FER1L5: variants seen among roughly 807,000 people sequenced by gnomAD.
FER1L5 encodes fer-1 like family member 5.
In FER1L5, 187 loss-of-function variants were observed where a neutral mutation model predicts 279.9. That is an observed-to-expected ratio of 0.67 (90% confidence interval 0.59 to 0.75). FER1L5 has a LOEUF of 0.75. Among genes scored for constraint, FER1L5 ranks in the 30% least tolerant of loss-of-function variants. The pLI is 0.00. For synonymous variants in FER1L5, 921 were observed against 989.7 expected, an observed-to-expected ratio of 0.93 and a Z score of 1.30; for missense variants, 2,091 against 2,594.4, an observed-to-expected ratio of 0.81 and a Z score of 4.21.
chr2:96,646,448 A>G lies in FER1L5; in HGVS notation c.133A>G (p.Asn45Asp). ...GGTGGAAGGGAATGATCCCGTGTGG[A>G]ATGAGGTAGACAACAGGGCAAGCCC... ...RVVEGNDPVW[N>D]ETLIWHLWNR... Residue 45 changes from asparagine (N) to aspartate (D), a missense_variant, in exon 2 of 53, where the codon AAT becomes GAT. Coordinates refer to ENST00000624922, the MANE Select transcript of FER1L5 (RefSeq NM_001293083.2). 1 of 1,551,784 alleles carries G rather than the reference A, an allele frequency of 6.4e-7. No individual in the cohort carries two copies. Among genetic ancestry groups the G allele is most frequent in the Non-Finnish European group, 8.7e-7 (1 of 1,146,950 alleles).
chr2:96,704,282 C>T lies in FER1L5; in HGVS notation c.5869C>T (p.Arg1957Cys), dbSNP rs758672058. The T allele has an allele frequency of 5.7e-5, 92 of 1,613,892 alleles. No homozygotes were observed. The highest frequency in any genetic ancestry group is 1.6e-4 in the Middle Eastern group (1 of 6,084). The part of the protein sequence containing the change: ...VQNFCYIFWK[R>C]YRFKLIAFMV... ...AAACTTCTGCTATATTTTCTGGAAA[C>T]GCTATCGCTTCAAACTCATAGCCTT... The change falls in exon 52 of 53, where the codon CGC (arginine) becomes TGC (cysteine). Residue 1957 changes from arginine to cysteine, a missense_variant. Coordinates refer to ENST00000624922, the MANE Select transcript of FER1L5 (RefSeq NM_001293083.2).
In FER1L5 at chr2:96,689,771, G is replaced by A. The variant is rs761378827; in HGVS notation, c.2640+13G>A. The A allele has an allele frequency of 1.1e-4, 171 of 1,537,862 alleles. 1 individual carries two copies. Among genetic ancestry groups the A allele is most frequent in the Middle Eastern group, 9.1e-4 (5 of 5,514 alleles). Reference sequence around the variant, plus strand: ...AAACACAGACGTGGTGAGCAGGGCCGAAGCTGCCTCGGGTTAGGGGGCAAG... The same window carrying A: ...AAACACAGACGTGGTGAGCAGGGCCAAAGCTGCCTCGGGTTAGGGGGCAAG... On this transcript the variant is annotated intron_variant, in intron 26 of 52. Transcript: ENST00000624922. The surrounding 1 kb of genome is among the most constrained non-coding windows in gnomAD (Gnocchi z 4.6).
chr2:96,696,391 C>T (rs2077380322), intron 37 of FER1L5, among the ~76,000 whole-genome samples: 2 of 151,950 alleles, frequency 1.3e-5, no homozygotes, highest in South Asian at 4.1e-4. Context: ...CTCCCGGGTT[C>T]GAGAGGTTCT....
intron 38 of FER1L5, 24 bp from the exon 39 acceptor site, chr2:96,697,636 C>A: frequency 6.2e-7 from 1 of 1,613,908 alleles, no homozygotes; most frequent in Non-Finnish European, 8.5e-7. Context: ...TGCCCGAGGC[C>A]AGAATGATCC....
rs950308121 is a variant in FER1L5, at chr2:96,694,572, C to G, written c.3741+108C>G. ...CTGACTACTGGATCCAAAGCTCACA[C>G]CCCGAAAAAGACTACCTGGGAGGTG... On this transcript the variant is annotated intron_variant, in intron 34 of 52. Transcript: ENST00000624922. This position sits in a 1 kb window ranked among gnomAD's most constrained non-coding sequence, Gnocchi z 4.6. The G allele has an allele frequency of 6.8e-6, 6 of 884,946 alleles. No homozygotes were observed. The Admixed American group carries it at 1.4e-4, about 20-fold the overall frequency. 54.8% of individuals were successfully genotyped at this position (884,946 alleles called of 1,614,324 possible).
chr2:96,659,343 T>G (rs1558853220), intron 9 of FER1L5, among the ~76,000 whole-genome samples: 12 of 87,658 alleles, frequency 1.4e-4, no homozygotes, highest in African/African-American at 4.1e-4. Context: ...CCTTCCTTCC[T>G]TCCTTCCTTC....
chr2:96,661,543 G>T lies in FER1L5; in HGVS notation c.894+103G>T, dbSNP rs560480415. The stretch of plus-strand genomic sequence containing the variant: ...TGACCATCACATCTCTCCTTTGTCC[G>T]CTGCGTCACTGCAGGGTTGTCCCAT... On this transcript the variant is annotated intron_variant, in intron 11 of 52. Transcript: ENST00000624922. 10 of 1,503,800 alleles carry T rather than the reference G, an allele frequency of 6.6e-6. No homozygotes were observed. In the East Asian group the frequency reaches 9.8e-5, roughly 15 times the overall value. The allele number at this position is 1,503,800 out of a possible 1,614,324, so 93.2% of individuals were successfully genotyped here.
rs750785040 is a variant in FER1L5, at chr2:96,702,030, A to C, written c.5146A>C (p.Arg1716=). The stretch of plus-strand genomic sequence containing the variant: ...TGGCCCCCAAGTCAACATCAACCCC[A>C]GAAAGCCTAAACGGTGAGTGACAGC... The part of the protein sequence containing the change: ...PPGPQVNINP[R]KPKRYELRCI... The change falls in exon 46 of 53, where the codon AGA becomes CGA. Residue 1716 remains arginine, a synonymous_variant. Coordinates refer to ENST00000624922, the MANE Select transcript of FER1L5 (RefSeq NM_001293083.2). This position sits in a 1 kb window ranked among gnomAD's most constrained non-coding sequence, Gnocchi z 4.0. 2 of 1,614,042 alleles carry C rather than the reference A, an allele frequency of 1.2e-6. No homozygotes were observed. The highest frequency in any genetic ancestry group is 2.7e-5 in the African/African-American group (2 of 75,054).
chr2:96,651,227 TTCTTTCTTTC>T (rs1196510305), intron 6 of FER1L5, among the ~76,000 whole-genome samples: 24 of 151,176 alleles, frequency 1.6e-4, no homozygotes, highest in Non-Finnish European at 3.1e-4. Flanking sequence ...ACAACTTTCT[TTCTTTCTTTC>T]TCTTTCTTTC....
Position 96,652,012 on chromosome 2 carries a change from T to C in FER1L5, c.625T>C (p.Phe209Leu). ...CATCAAGATGGGAAACAACCCTTTCTTTAATGAGGTGGGCTGAACGGGGCA... is the reference window on the plus strand; with the variant it reads ...CATCAAGATGGGAAACAACCCTTTCCTTAATGAGGTGGGCTGAACGGGGCA... ...TRIKMGNNPF[F>L]NEIFFQNFHE... Residue 209 changes from phenylalanine (F) to leucine (L), a missense_variant, in exon 7 of 53, where the codon TTT becomes CTT. By Grantham distance (22) the Phe-to-Leu change is conservative (BLOSUM62 0). Coordinates refer to ENST00000624922, the MANE Select transcript of FER1L5 (RefSeq NM_001293083.2). 6.4e-7 allele frequency: 1 copy of C among 1,551,746 alleles called. No homozygotes were observed. The highest frequency in any genetic ancestry group is 2.4e-5 in the East Asian group (1 of 40,924).
Position 96,694,241 on chromosome 2 carries a change from C to G in FER1L5, c.3637-119C>G. ...TGACCAGCCTCTCCCCTAAGTCCCC[C>G]TGCCAGCCCCTACCCATGGGGCTCT... is the stretch of plus-strand genomic sequence containing the variant. On this transcript the variant is annotated intron_variant, in intron 33 of 52. Transcript: ENST00000624922. This position sits in a 1 kb window ranked among gnomAD's most constrained non-coding sequence, Gnocchi z 4.6. 7.7e-7 allele frequency: 1 copy of G among 1,303,586 alleles called. No homozygotes were observed. The highest frequency in any genetic ancestry group is 1.0e-6 in the Non-Finnish European group (1 of 971,244). The allele number at this position is 1,303,586 out of a possible 1,614,324, so 80.8% of individuals were successfully genotyped here.
chr2:96,663,500 G>T lies in FER1L5; in HGVS notation c.1133G>T (p.Arg378Leu), dbSNP rs142154282. The T allele has an allele frequency of 2.6e-6, 4 of 1,551,414 alleles. No homozygotes were observed. The highest frequency in any genetic ancestry group is 2.4e-5 in the East Asian group (1 of 40,932). Residue 378 changes from arginine (R) to leucine (L), a missense_variant, in exon 14 of 53, where the codon CGG becomes CTG. Physicochemically the swap from Arg to Leu is moderately radical, Grantham distance 102. Coordinates refer to ENST00000624922, the MANE Select transcript of FER1L5 (RefSeq NM_001293083.2). ...NPIWNQILTF[R>L]IQLPCLSSYI... is the part of the protein sequence containing the mutation. ...ATATGGAACCAGATCCTGACCTTCC[G>T]GATTCAGGTATGGCTCCTCCATCAT...
chr2:96,659,409 CTTTCTTTCTTTCTTTCTTTCTTT>C (rs2075812986), intron 9 of FER1L5, among the ~76,000 whole-genome samples: 1 of 5,428 alleles, frequency 1.8e-4, no homozygotes, highest in Non-Finnish European at 2.9e-4. Context: ...TTCTTTCTTT[CTTTCTTTCTTTCTTTCTTTCTTT>C]CTTTCTTTCT....
intron 6 of FER1L5, 118 bp downstream of exon 6, chr2:96,650,407 G>C: frequency 1.2e-6 from 1 of 812,852 alleles, no homozygotes; most frequent in South Asian, 1.7e-5. Context: ...TTCAGACCCA[G>C]CTTCTGGCCC....
chr2:96,674,519 C>T (rs1303175794), intron 19 of FER1L5, among the ~76,000 whole-genome samples: 6 of 152,120 alleles, frequency 3.9e-5, no homozygotes, highest in Admixed American at 3.3e-4. Flanking sequence ...CCACCGCACC[C>T]GGGCATCTAC....
chr2:96,695,697 T>C, intron 35 of FER1L5, 36 bp downstream of exon 35: 1 of 1,607,650 alleles, frequency 6.2e-7, no homozygotes, highest in Admixed American at 1.7e-5. Flanking sequence ...GGCAGCCCTC[T>C]TCTTCTGTGG....
At position 96,702,751 on chromosome 2, in the gene FER1L5, C is replaced by G. The variant is rs1394416995; in HGVS notation, c.5397+10C>G. On this transcript the variant is annotated intron_variant, in intron 48 of 52. Transcript: ENST00000624922. The surrounding 1 kb of genome is among the most constrained non-coding windows in gnomAD (Gnocchi z 4.0). ...TGTCCAGAGCCAGAAGGTAACAGGC[C>G]TGGGGCGTGAGGGGCAACAGGCCAC... 4.3e-6 allele frequency: 7 copies of G among 1,612,080 alleles called. No individual in the cohort carries two copies. In the Admixed American group the frequency reaches 5.0e-5, roughly 12 times the overall value.
rs2076990714 is a variant in FER1L5 at position 96,687,884 on chromosome 2, T to C, written c.2298T>C (p.Asn766=). The C allele has an allele frequency of 1.9e-6, 3 of 1,551,110 alleles. No individual in the cohort carries two copies. The highest frequency in any genetic ancestry group is 1.4e-5 in the African/African-American group (1 of 73,134). The change falls in exon 24 of 53, where the codon AAT becomes AAC. Residue 766 remains asparagine, a synonymous_variant. Transcript: ENST00000624922. ...TCCGGGTCTGCATGTGGCTTGGCAA[T>C]GTCACAGACAGCAAGGACCTGCAGC... ...AHLRVCMWLG[N]VTDSKDLQLL...
At chr2:96,680,066 G>A (rs1332097399) in intron 19 of FER1L5, among the ~76,000 whole-genome samples, 2 of 152,070 alleles carry the variant, frequency 1.3e-5, no homozygotes, top group Admixed American at 1.3e-4. Flanking sequence ...TCCCGCAGGT[G>A]GCTGCTGCTG....
Sources: allele counts gnomAD v4.1 joint callset (sites outside exome capture counted in the v4.1 genomes callset), GRCh38; gene constraint gnomAD v4.1.1; non-coding constraint Gnocchi (gnomAD v3.1); transcripts MANE v1.5; gene names NCBI Gene and HGNC (gene_info 2026-07-23, HGNC 2026-07-21).